Variants in SFXN5 observed in about 807,000 individuals in gnomAD.
SFXN5 encodes sideroflexin 5.
In SFXN5, 43 loss-of-function variants were observed where a neutral mutation model predicts 50.2. The ratio of observed to expected loss-of-function variants is 0.86; its 90% CI spans 0.67 to 1.11. The LOEUF (loss-of-function observed/expected upper bound fraction) is 1.11, where lower values mean the gene tolerates loss of function less well. SFXN5 is among the 50% of genes least tolerant of loss of function. The pLI is 0.00. For synonymous variants in SFXN5, 203 were observed against 185.8 expected (o/e 1.09, Z -0.75); for missense variants, 463 against 454.1 (o/e 1.02, Z -0.18).
chr2:73,021,479 G>A (rs143596775), intron 5 of SFXN5, among the ~76,000 whole-genome samples: 1,706 of 152,296 alleles, frequency 0.011, 31 homozygotes, highest in African/African-American at 0.039. Flanking sequence ...GGGAGACTCT[G>A]TCTCAAATAA....
intron 9 of SFXN5, among the ~76,000 whole-genome samples, chr2:72,989,206 C>T (rs73943016): frequency 0.062 from 9,507 of 152,184 alleles, 374 homozygotes; most frequent in East Asian, 0.17. Flanking sequence ...CCTCCGTGAG[C>T]CTTCCAGCCA....
intron 6 of SFXN5, 39 bp downstream of exon 6, chr2:73,020,200 A>C (rs996215096): frequency 1.3e-6 from 2 of 1,594,750 alleles, no homozygotes; most frequent in African/African-American, 1.3e-5. Flanking sequence ...ATTTAAAATA[A>C]TTTTTTAGAA....
chr2:72,972,614 T>G (rs1048078960), intron 10 of SFXN5, among the ~76,000 whole-genome samples: 2 of 152,024 alleles, frequency 1.3e-5, no homozygotes, highest in African/African-American at 4.8e-5. Flanking sequence ...CGTGGCCCAG[T>G]GCAGTGTGGG....
At chr2:72,988,618 CAT>C (rs1179035825) in intron 9 of SFXN5, among the ~76,000 whole-genome samples, 15 of 152,058 alleles carry the variant, frequency 9.9e-5, no homozygotes, top group Admixed American at 2.0e-4. Context: ...CACACACACA[CAT>C]ACACACACAT....
At chr2:73,009,578 G>A (rs1675227990) in intron 6 of SFXN5, among the ~76,000 whole-genome samples, 1 of 152,222 alleles carries the variant, frequency 6.6e-6, no homozygotes, top group Admixed American at 6.5e-5. Flanking sequence ...AGAGCTGCTG[G>A]GAGGTATCCC....
At chr2:72,954,959 CTG>C (rs1460553411) in intron 13 of SFXN5, among the ~76,000 whole-genome samples, 4 of 152,332 alleles carry the variant, frequency 2.6e-5, no homozygotes, top group Non-Finnish European at 5.9e-5. Flanking sequence ...GCTGGGGAAA[CTG>C]AGGTCTTTGA....
At chr2:72,974,317 C>A (rs1205403524) in intron 10 of SFXN5, among the ~76,000 whole-genome samples, 1 of 152,142 alleles carries the variant, frequency 6.6e-6, no homozygotes, top group Admixed American at 6.5e-5. Flanking sequence ...GCATCTCACT[C>A]TCTCCCTGTA....
Position 73,022,550 on chromosome 2 carries a change from C to G in SFXN5, c.303G>C (p.Glu101Asp). The change falls in exon 5 of 14, where the codon GAG (glutamate) becomes GAC (aspartate). Residue 101 changes from glutamate (E) to aspartate (D), a missense_variant. Glu to Asp is a conservative substitution (Grantham distance 45, BLOSUM62 2). Coordinates refer to ENST00000272433, the MANE Select transcript of SFXN5 (RefSeq NM_144579.3). ...KQAILHPDTN[E>D]KIFMPFRMSG... ...ACATTCTAAATGGCATGAAGATCTT[C>G]TCATTGGTGTCCGGATGTAGAATAG... The G allele has an allele frequency of 6.4e-7, 1 of 1,556,258 alleles. No homozygotes were observed. Among genetic ancestry groups the G allele is most frequent in the Non-Finnish European group, 8.7e-7 (1 of 1,145,660 alleles).
intron 1 of SFXN5, among the ~76,000 whole-genome samples, chr2:73,061,449 G>A (rs1168959028): frequency 6.6e-6 from 1 of 152,010 alleles, no homozygotes; most frequent in African/African-American, 2.4e-5. Flanking sequence ...TACTATAATT[G>A]AATGCAGATT....
intron 9 of SFXN5, chr2:72,998,175 G>T (rs987857244): frequency 6.6e-6 from 1 of 152,156 alleles, no homozygotes; most frequent in African/African-American, 2.4e-5. Flanking sequence ...GCCCTCTGGA[G>T]TCGGCTATAG....
chr2:73,011,144 C>A (rs970600207), intron 6 of SFXN5, among the ~76,000 whole-genome samples: 2 of 152,242 alleles, frequency 1.3e-5, no homozygotes, highest in African/African-American at 2.4e-5. Flanking sequence ...GCCTCAAACT[C>A]CTCAGCTCAA....
chr2:73,036,582 C>T (rs1319687156), intron 3 of SFXN5, among the ~76,000 whole-genome samples: 1 of 152,168 alleles, frequency 6.6e-6, no homozygotes, highest in Non-Finnish European at 1.5e-5. Context: ...GCCTGGGAAA[C>T]AGGACAGGCA....
At chr2:73,031,169 G>A (rs1559177277) in intron 3 of SFXN5, among the ~76,000 whole-genome samples, 1 of 152,206 alleles carries the variant, frequency 6.6e-6, no homozygotes. Flanking sequence ...TGGCTGGCCT[G>A]CTACACATTT....
rs1348194666 is a variant in SFXN5, at chr2:72,945,020, A to T, written c.*2T>A. The T allele has an allele frequency of 1.2e-6, 2 of 1,613,328 alleles. No individual in the cohort carries two copies. The highest frequency in any genetic ancestry group is 1.7e-5 in the Admixed American group (1 of 59,930). ...GCTCCGTCCCCAGGCCGCTGACCACACTCACAACCCCTTGTTGTACACCAC... is the reference window on the plus strand; with the variant it reads ...GCTCCGTCCCCAGGCCGCTGACCACTCTCACAACCCCTTGTTGTACACCAC... On this transcript the variant is annotated 3_prime_UTR_variant, in exon 14 of 14. Transcript: ENST00000272433. This position sits in a 1 kb window ranked among gnomAD's most constrained non-coding sequence, Gnocchi z 5.8.
chr2:73,022,981 A>G lies in SFXN5; in HGVS notation c.276+207T>C, dbSNP rs113796762. Among the ~76,000 whole-genome samples the G allele has an allele frequency of 4.4e-3, 671 of 152,306 alleles. 9 individuals carry two copies. Among genetic ancestry groups the G allele is most frequent in the African/African-American group, 0.013 (555 of 41,570 alleles). ...TCTCTTCTGGGAGCTCAGAGAACCC[A>G]GGGAAAGGCCAGCCTGGCCTGAGCT... On this transcript the variant is annotated intron_variant, in intron 4 of 13. Coordinates refer to ENST00000272433, the MANE Select transcript of SFXN5 (RefSeq NM_144579.3).
At chr2:72,946,167 C>T (rs1037174060) in intron 13 of SFXN5, among the ~76,000 whole-genome samples, 2 of 151,788 alleles carry the variant, frequency 1.3e-5, no homozygotes, top group African/African-American at 4.8e-5. Context: ...CATCCTCCCT[C>T]TCTCCCACCT....
intron 6 of SFXN5, among the ~76,000 whole-genome samples, chr2:73,005,620 C>G (rs916321773): frequency 2.0e-5 from 3 of 152,190 alleles, no homozygotes; most frequent in Non-Finnish European, 4.4e-5. Flanking sequence ...GTAGTTCTTT[C>G]CTGGCCTTTG....
At chr2:72,999,739 C>T (rs369448465) in intron 8 of SFXN5, among the ~76,000 whole-genome samples, 3 of 152,144 alleles carry the variant, frequency 2.0e-5, no homozygotes, top group African/African-American at 2.4e-5. Flanking sequence ...CTCCTCTCCC[C>T]CAAGGTGAGC....
chr2:73,056,220 A>G (rs981215631), intron 2 of SFXN5, among the ~76,000 whole-genome samples: 1 of 152,204 alleles, frequency 6.6e-6, no homozygotes, highest in Non-Finnish European at 1.5e-5. Flanking sequence ...ATACATATAA[A>G]AAGTCCGTCA....
Sources: allele counts gnomAD v4.1 joint callset (sites outside exome capture counted in the v4.1 genomes callset), GRCh38; gene constraint gnomAD v4.1.1; non-coding constraint Gnocchi (gnomAD v3.1); transcripts MANE v1.5; gene names NCBI Gene and HGNC (gene_info 2026-07-23, HGNC 2026-07-21).